Variants in KDM3A observed in about 807,000 individuals in gnomAD.
The protein encoded by KDM3A is lysine demethylase 3A, also known as lysine-specific demethylase 3A.
KDM3A carries 60 observed loss-of-function variants against 158.0 expected under a neutral mutation model. That is an observed-to-expected ratio of 0.38 (90% CI 0.31 to 0.47). KDM3A has a LOEUF of 0.47. Ranked by LOEUF, KDM3A falls within the 20% of genes least tolerant of loss-of-function variation. KDM3A has a pLI of 0.99. For missense variants in KDM3A, 1,319 were observed against 1,574.3 expected (o/e 0.84, Z 2.74); for synonymous variants, 608 against 549.3 (o/e 1.11, Z -1.49).
chr2:86,484,671 A>C (rs1048274007), intron 19 of KDM3A: 2 of 386,788 alleles, frequency 5.2e-6, no homozygotes, highest in African/African-American at 2.0e-5. Flanking sequence ...CCTGACACAG[A>C]TCCATTAGTT....
intron 18 of KDM3A, chr2:86,482,960 G>C (rs1346193244): frequency 1.4e-5 from 6 of 442,470 alleles, no homozygotes; most frequent in Non-Finnish European, 2.0e-5. Flanking sequence ...TCCAGGCTTG[G>C]TGATTCCTAT....
intron 5 of KDM3A, 26 bp from the exon 6 acceptor site, chr2:86,456,416 A>ATTTTTTTTTT (rs11431031): frequency 5.7e-6 from 6 of 1,057,864 alleles, no homozygotes; most frequent in Admixed American, 4.3e-5. Context: ...TTGCTCTAAG[A>ATTTTTTTTTT]TTTTTTTTTT....
intron 16 of KDM3A, among the ~76,000 whole-genome samples, chr2:86,481,155 A>G (rs1333108748): frequency 6.6e-6 from 1 of 152,240 alleles, no homozygotes; most frequent in East Asian, 1.9e-4. Context: ...TTTACAAAAA[A>G]CTTCTTAAAT....
At position 86,485,865 on chromosome 2, in the gene KDM3A, G is replaced by T. The variant is rs185675585; in HGVS notation, c.3313+6G>T. On this transcript the variant is annotated splice_donor_region_variant and intron_variant, in intron 21 of 25. Transcript: ENST00000312912. ...CAAGATGTATAATGCTTATGGTAAGGAGGAGATGGCTAACTTTAAAATGGA... is the reference window on the plus strand; with the variant it reads ...CAAGATGTATAATGCTTATGGTAAGTAGGAGATGGCTAACTTTAAAATGGA... 6.2e-6 allele frequency: 10 copies of T among 1,605,514 alleles called. No individual in the cohort carries two copies. In the Admixed American group the frequency reaches 1.7e-4, roughly 27 times the overall value.
chr2:86,466,327 A>AT (rs1303482415), intron 9 of KDM3A, 45 bp from the exon 10 acceptor site: 1 of 1,546,264 alleles, frequency 6.5e-7, no homozygotes, highest in Admixed American at 2.0e-5. Flanking sequence ...TAATGGAGAG[A>AT]TAAAAAGAGG....
chr2:86,489,178 T>C (rs1674334142), intron 21 of KDM3A, 140 bp from the exon 22 acceptor site: 2 of 977,300 alleles, frequency 2.0e-6, no homozygotes, highest in Middle Eastern at 3.4e-4. Context: ...TTAAAGAATT[T>C]TTTTGCAATA....
chr2:86,444,662 G>T, intron 2 of KDM3A, among the ~76,000 whole-genome samples: 1 of 151,016 alleles, frequency 6.6e-6, no homozygotes, highest in East Asian at 2.0e-4. Flanking sequence ...GGGTGAGATG[G>T]GGGTGGGGCG....
At chr2:86,465,295 C>T (rs1427021868) in intron 9 of KDM3A, among the ~76,000 whole-genome samples, 1 of 152,180 alleles carries the variant, frequency 6.6e-6, no homozygotes. Context: ...GTGCTGATCA[C>T]TGAACAAACA....
chr2:86,458,826 A>G (rs1672811261), intron 8 of KDM3A, among the ~76,000 whole-genome samples: 1 of 152,138 alleles, frequency 6.6e-6, no homozygotes, highest in Admixed American at 6.6e-5. Context: ...TGGGGTGTTC[A>G]GGGGTTTTAA....
chr2:86,456,505 T>C lies in KDM3A; in HGVS notation c.620T>C (p.Phe207Ser). 6.2e-7 allele frequency: 1 copy of C among 1,608,872 alleles called. No individual in the cohort carries two copies. Among genetic ancestry groups the C allele is most frequent in the Non-Finnish European group, 8.5e-7 (1 of 1,176,892 alleles). The change falls in exon 6 of 26, where the codon TTT (phenylalanine) becomes TCT (serine). Residue 207 changes from phenylalanine to serine, a missense_variant. By Grantham distance (155) the Phe-to-Ser change is radical (BLOSUM62 -2). Coordinates refer to ENST00000312912, the MANE Select transcript of KDM3A (RefSeq NM_018433.6). ...IYSLDPSTQW[F>S]SATVINGNPA... is the part of the protein sequence containing the mutation. ...AGCTTGGACCCATCTACTCAGTGGTTTTCAGCAACCGTTATAAATGGAAAC... is the reference window on the plus strand; with the variant it reads ...AGCTTGGACCCATCTACTCAGTGGTCTTCAGCAACCGTTATAAATGGAAAC...
intron 9 of KDM3A, among the ~76,000 whole-genome samples, chr2:86,465,193 C>T (rs1305800151): frequency 6.6e-6 from 1 of 152,164 alleles, no homozygotes; most frequent in Non-Finnish European, 1.5e-5. Context: ...AACAAAAGTT[C>T]TTCAAGGCTA....
chr2:86,488,147 T>C (rs375044533), intron 21 of KDM3A: 2 of 152,242 alleles, frequency 1.3e-5, no homozygotes, highest in South Asian at 2.1e-4. Flanking sequence ...GAATCAGATT[T>C]TTTATATTCA....
intron 25 of KDM3A, chr2:86,491,817 T>C (rs568155646): frequency 1.8e-6 from 1 of 548,064 alleles, no homozygotes; most frequent in African/African-American, 1.9e-5. Flanking sequence ...TATCAAAACC[T>C]CTAAAAGGGG....
At chr2:86,447,456 CTTT>C (rs150625957) in intron 2 of KDM3A, among the ~76,000 whole-genome samples, 3 of 134,624 alleles carry the variant, frequency 2.2e-5, no homozygotes, top group Admixed American at 7.5e-5. Flanking sequence ...TAATTCTGCA[CTTT>C]TTTTTTTTTT....
chr2:86,477,805 A>AC (rs1255717359), intron 12 of KDM3A, 72 bp from the exon 13 acceptor site: 1 of 1,416,068 alleles, frequency 7.1e-7, no homozygotes, highest in African/African-American at 1.4e-5. Flanking sequence ...AATGACAATA[A>AC]CCCCTACCTT....
chr2:86,485,585 C>A, intron 20 of KDM3A, 144 bp from the exon 21 acceptor site: 1 of 919,146 alleles, frequency 1.1e-6, no homozygotes, highest in Non-Finnish European at 1.6e-6. Context: ...TGCTGTACTT[C>A]TCATCTTAAA....
At position 86,482,514 on chromosome 2, in the gene KDM3A, G is replaced by C; in HGVS notation, c.2742G>C (p.Leu914Phe). 6.2e-7 allele frequency: 1 copy of C among 1,614,088 alleles called. No individual in the cohort carries two copies. Among genetic ancestry groups the C allele is most frequent in the Non-Finnish European group, 8.5e-7 (1 of 1,180,006 alleles). ...PKILDDIFAS[L>F]VQNKTTSDLS... ...TCCTTGATGACATCTTTGCCTCTTTGGTGCAAAATAAGACGACTTCTGATT... is the reference window on the plus strand; with the variant it reads ...TCCTTGATGACATCTTTGCCTCTTTCGTGCAAAATAAGACGACTTCTGATT... The change falls in exon 18 of 26, where the codon TTG (leucine) becomes TTC (phenylalanine). Residue 914 changes from leucine to phenylalanine, a missense_variant. By Grantham distance (22) the Leu-to-Phe change is conservative. Coordinates refer to ENST00000312912, the MANE Select transcript of KDM3A (RefSeq NM_018433.6).
chr2:86,476,928 G>A (rs1325074533), intron 12 of KDM3A, among the ~76,000 whole-genome samples: 5 of 152,246 alleles, frequency 3.3e-5, no homozygotes, highest in Admixed American at 6.5e-5. Context: ...CTTTGATCCA[G>A]TGTTGTTCAG....
chr2:86,463,679 A>G (rs2104658380), intron 8 of KDM3A, among the ~76,000 whole-genome samples: 1 of 152,346 alleles, frequency 6.6e-6, no homozygotes, highest in Non-Finnish European at 1.5e-5. Flanking sequence ...TGGGCACTCA[A>G]GTCATGCCAA....
Sources: allele counts gnomAD v4.1 joint callset (sites outside exome capture counted in the v4.1 genomes callset), GRCh38; gene constraint gnomAD v4.1.1; transcripts MANE v1.5; gene names NCBI Gene and HGNC (gene_info 2026-07-23, HGNC 2026-07-21).